EFR3A: variants seen among roughly 807,000 people sequenced by gnomAD.
EFR3A encodes protein EFR3 homolog A.
In EFR3A, 76 loss-of-function variants were observed where a neutral mutation model predicts 104.4. The ratio of observed to expected loss-of-function variants is 0.73; its 90% CI spans 0.60 to 0.88. The LOEUF is 0.88. Among genes scored for constraint, EFR3A ranks in the 40% least tolerant of loss-of-function variants. The probability of loss-of-function intolerance (pLI) is 0.00; values close to 1 mark genes in which losing one functional copy is unlikely to be tolerated. For missense variants in EFR3A, 985 were observed against 1,012.5 expected, an observed-to-expected ratio of 0.97 and a Z score of 0.37; for synonymous variants, 330 against 330.0, an observed-to-expected ratio of 1.00 and a Z score of 0.00.
intron 1 of EFR3A, 42 bp from the exon 2 acceptor site, chr8:131,940,457 A>G (rs771918333): frequency 1.5e-5 from 23 of 1,529,394 alleles, no homozygotes; most frequent in Non-Finnish European, 1.8e-5. Context: ...TGTTTACAAT[A>G]TTAATAATAT....
intron 6 of EFR3A, among the ~76,000 whole-genome samples, chr8:131,954,619 TAATA>T (rs1316481719): frequency 3.3e-5 from 5 of 150,308 alleles, no homozygotes; most frequent in Admixed American, 2.0e-4. Flanking sequence ...AATAAGTTAA[TAATA>T]AATAAATAGT....
intron 1 of EFR3A, chr8:131,940,258 G>A (rs370941592): frequency 1.7e-5 from 8 of 465,958 alleles, no homozygotes; most frequent in East Asian, 7.0e-5. Flanking sequence ...TTTGTCAGAT[G>A]AATTTGGCGG....
At chr8:131,990,817 G>T (rs1821142565) in intron 18 of EFR3A, among the ~76,000 whole-genome samples, 2 of 152,164 alleles carry the variant, frequency 1.3e-5, no homozygotes, top group South Asian at 2.1e-4. Flanking sequence ...ATAGGCATTT[G>T]ATTGGTATGG....
chr8:131,965,788 A>G (rs372592833), intron 8 of EFR3A, among the ~76,000 whole-genome samples: 2 of 151,998 alleles, frequency 1.3e-5, no homozygotes, highest in African/African-American at 4.8e-5. Context: ...ACTATTCACA[A>G]TAGCAAAGAC....
chr8:131,910,092 C>T (rs1355948157), intron 1 of EFR3A, among the ~76,000 whole-genome samples: 4 of 152,178 alleles, frequency 2.6e-5, no homozygotes, highest in Non-Finnish European at 5.9e-5. Flanking sequence ...TCCTTTGATA[C>T]TGTACTTTTC....
chr8:131,984,661 A>G (rs149220479), intron 15 of EFR3A, among the ~76,000 whole-genome samples: 2 of 152,250 alleles, frequency 1.3e-5, no homozygotes, highest in South Asian at 2.1e-4. Context: ...ACAGTATGCA[A>G]TGGCCATATA....
intron 16 of EFR3A, among the ~76,000 whole-genome samples, chr8:131,985,974 T>G (rs1270290849): frequency 2.0e-5 from 3 of 152,230 alleles, no homozygotes; most frequent in African/African-American, 7.2e-5. Context: ...TATTATTTTA[T>G]TGTCACAGTT....
chr8:131,958,884 A>T (rs775735917), intron 7 of EFR3A, among the ~76,000 whole-genome samples: 5 of 152,184 alleles, frequency 3.3e-5, no homozygotes, highest in Admixed American at 6.5e-5. Flanking sequence ...TATATACTTT[A>T]TCTTACTTAA....
At chr8:131,977,998 A>G (rs1275093270) in intron 12 of EFR3A, among the ~76,000 whole-genome samples, 1 of 152,110 alleles carries the variant, frequency 6.6e-6, no homozygotes, top group Non-Finnish European at 1.5e-5. Flanking sequence ...TATATGTGGT[A>G]TGAGGCATGG....
At chr8:131,938,087 A>C (rs1817995350) in intron 1 of EFR3A, 1 of 390,196 alleles carries the variant, frequency 2.6e-6, no homozygotes, top group Non-Finnish European at 4.5e-6. Context: ...ATTTGATGTC[A>C]ATGACAAGTT....
chr8:131,906,998 CT>C (rs10707565), intron 1 of EFR3A, among the ~76,000 whole-genome samples: 37,155 of 152,042 alleles, frequency 0.24, 4,689 homozygotes, highest in East Asian at 0.34. Context: ...TATCGGGAAG[CT>C]GAGCCTTCTG....
In EFR3A at chr8:131,940,479, G is replaced by GT; in HGVS notation, c.11-20_11-19insT. ...AATATTAATAATATCTGTATTTCTTGATTTTTTTTTTTTTAACAGGAGTAT... is the reference window on the plus strand; with the variant it reads ...AATATTAATAATATCTGTATTTCTTGTATTTTTTTTTTTTTAACAGGAGTAT... On this transcript the variant is annotated intron_variant, in intron 1 of 22. Coordinates refer to ENST00000254624, the MANE Select transcript of EFR3A (RefSeq NM_015137.6). 1.5e-6 allele frequency: 2 copies of GT among 1,368,520 alleles called. No individual in the cohort carries two copies. Among genetic ancestry groups the GT allele is most frequent in the South Asian group, 1.2e-5 (1 of 80,650 alleles). The allele number at this position is 1,368,520 out of a possible 1,614,324, so 84.8% of individuals were successfully genotyped here. A position where few individuals can be genotyped will look rare whatever the true frequency, so the allele number is the denominator to read the frequency against.
intron 7 of EFR3A, among the ~76,000 whole-genome samples, chr8:131,957,967 T>C (rs1819108245): frequency 6.6e-6 from 1 of 152,066 alleles, no homozygotes; most frequent in African/African-American, 2.4e-5. Context: ...TTATAGATAA[T>C]TAGTGGAGAC....
chr8:131,944,983 G>A, intron 3 of EFR3A, 111 bp downstream of exon 3: 15 of 1,174,142 alleles, frequency 1.3e-5, no homozygotes, highest in Non-Finnish European at 1.8e-5. Flanking sequence ...AATATATAGA[G>A]GATAAAACAT....
chr8:132,001,222 G>C (rs533641934), intron 19 of EFR3A, among the ~76,000 whole-genome samples: 1 of 152,324 alleles, frequency 6.6e-6, no homozygotes, highest in East Asian at 1.9e-4. Flanking sequence ...TAACTTTAGA[G>C]AAATACTTCC....
At chr8:132,001,937 C>T (rs911717923) in intron 20 of EFR3A, 130 bp downstream of exon 20, 1 of 733,176 alleles carries the variant, frequency 1.4e-6, no homozygotes, top group African/African-American at 1.8e-5. Flanking sequence ...CTTCTATAGA[C>T]ATGTATCATT....
At chr8:131,928,142 A>C (rs868407921) in intron 1 of EFR3A, among the ~76,000 whole-genome samples, 1 of 151,536 alleles carries the variant, frequency 6.6e-6, no homozygotes, top group South Asian at 2.1e-4. Context: ...TTATAAACCT[A>C]ATTGATTGGT....
At chr8:131,926,505 A>G (rs971669143) in intron 1 of EFR3A, among the ~76,000 whole-genome samples, 1 of 152,138 alleles carries the variant, frequency 6.6e-6, no homozygotes, top group Non-Finnish European at 1.5e-5. Flanking sequence ...ATAATGGCAT[A>G]TGGGGGTGCT....
chr8:132,001,011 G>C (rs938328489), intron 19 of EFR3A: 2 of 152,192 alleles, frequency 1.3e-5, no homozygotes, highest in African/African-American at 4.8e-5. Context: ...AAGTACTCAT[G>C]TATCGTTTCT....
Sources: gnomAD v4.1 joint callset for allele counts (sites outside exome capture counted in the v4.1 genomes callset) on GRCh38, gnomAD v4.1.1 for gene constraint, MANE v1.5 for transcripts, NCBI Gene and HGNC (gene_info 2026-07-23, HGNC 2026-07-21) for gene names.